Variants in SLC25A32 observed in about 807,000 individuals in gnomAD.
SLC25A32 encodes the protein solute carrier family 25 member 32.
A neutral mutation model predicts 39.0 loss-of-function variants in SLC25A32; 32 were observed. That is an observed-to-expected ratio of 0.82 (90% CI 0.62 to 1.10). The LOEUF is 1.10. Among genes scored for constraint, SLC25A32 ranks in the 50% least tolerant of loss-of-function variants. The pLI, the probability that SLC25A32 is intolerant of heterozygous loss-of-function variation, is 0.00. For missense variants in SLC25A32, 367 were observed against 395.3 expected, an observed-to-expected ratio of 0.93 and a Z score of 0.61; for synonymous variants, 166 against 152.4, an observed-to-expected ratio of 1.09 and a Z score of -0.66.
intron 1 of SLC25A32, among the ~76,000 whole-genome samples, chr8:103,412,163 G>A (rs3098242): frequency 0.46 from 69,581 of 152,012 alleles, 15,999 homozygotes; most frequent in African/African-American, 0.49. Flanking sequence ...CAAGCACTCT[G>A]TAAGTACTAG....
chr8:103,402,236 T>G, intron 4 of SLC25A32, 182 bp from the exon 5 acceptor site: 1 of 462,922 alleles, frequency 2.2e-6, no homozygotes. Flanking sequence ...GGTAGTATTC[T>G]CTTCTACTTT....
chr8:103,410,699 A>C (rs1167859819), intron 1 of SLC25A32, among the ~76,000 whole-genome samples: 1 of 152,062 alleles, frequency 6.6e-6, no homozygotes, highest in Non-Finnish European at 1.5e-5. Context: ...ATGTAGATCT[A>C]AGTACCTATC....
rs1490190467 is a variant in SLC25A32, at chr8:103,399,726, C to A, written c.*685G>T. ...GACCATCCTGGCTAACATGGTGAAA[C>A]CCCATTTCTACTCAAAATATAAAAA... On this transcript the variant is annotated 3_prime_UTR_variant, in exon 7 of 7. Transcript: ENST00000297578. The A allele has an allele frequency of 6.6e-6, 1 of 152,136 alleles. No individual in the cohort carries two copies. The highest frequency in any genetic ancestry group is 2.4e-5 in the African/African-American group (1 of 41,396). The allele number at this position is 152,136 out of a possible 1,614,324, so 9.4% of individuals were successfully genotyped here. A position where few individuals can be genotyped will look rare whatever the true frequency, so the allele number is the denominator to read the frequency against.
intron 1 of SLC25A32, among the ~76,000 whole-genome samples, chr8:103,408,676 T>G (rs2130449660): frequency 6.6e-6 from 1 of 152,308 alleles, no homozygotes; most frequent in Admixed American, 6.5e-5. Context: ...AAAATTGAAC[T>G]AGTTTTCCCC....
chr8:103,404,743 G>A (rs1816291742), intron 3 of SLC25A32, 33 bp downstream of exon 3: 1 of 1,502,132 alleles, frequency 6.7e-7, no homozygotes, highest in Non-Finnish European at 9.2e-7. Context: ...AAGTTTGGAA[G>A]GTGACATTTT....
chr8:103,401,686 T>C (rs1390926103), intron 5 of SLC25A32, 25 bp from the exon 6 acceptor site: 41 of 1,541,032 alleles, frequency 2.7e-5, no homozygotes, highest in Non-Finnish European at 3.4e-5. Flanking sequence ...CAAAACAGTT[T>C]TTTCTTTAGA....
At chr8:103,411,995 C>A (rs1350664050) in intron 1 of SLC25A32, among the ~76,000 whole-genome samples, 1 of 152,234 alleles carries the variant, frequency 6.6e-6, no homozygotes, top group Non-Finnish European at 1.5e-5. Flanking sequence ...AATCCCAGTT[C>A]TAGCAATTAC....
intron 6 of SLC25A32, among the ~76,000 whole-genome samples, chr8:103,400,841 A>G (rs1816202288): frequency 6.6e-6 from 1 of 152,234 alleles, no homozygotes; most frequent in Admixed American, 6.5e-5. Context: ...AGGAGTTTTA[A>G]TTGACCTAAT....
Position 103,404,898 on chromosome 8 carries a change from G to A in SLC25A32, c.306-37C>T. The stretch of plus-strand genomic sequence containing the variant: ...AAATGTGAGCAGTTTAATTTGAATA[G>A]GTGTCATTAAGTCTGTTTTAAAGTG... On this transcript the variant is annotated intron_variant, in intron 2 of 6. Coordinates refer to ENST00000297578, the MANE Select transcript of SLC25A32 (RefSeq NM_030780.5). 2.8e-6 allele frequency: 4 copies of A among 1,424,716 alleles called. 1 individual carries two copies. Among genetic ancestry groups the A allele is most frequent in the Non-Finnish European group, 3.0e-6 (3 of 1,011,150 alleles). The allele number at this position is 1,424,716 out of a possible 1,614,324, so 88.3% of individuals were successfully genotyped here.
intron 2 of SLC25A32, among the ~76,000 whole-genome samples, chr8:103,405,658 T>A (rs1184316568): frequency 1.3e-5 from 2 of 151,868 alleles, no homozygotes; most frequent in Admixed American, 6.6e-5. Flanking sequence ...GAACACATTC[T>A]TTCTTTTTTT....
At chr8:103,411,262 T>A (rs905333050) in intron 1 of SLC25A32, among the ~76,000 whole-genome samples, 2 of 152,208 alleles carry the variant, frequency 1.3e-5, no homozygotes, top group African/African-American at 2.4e-5. Context: ...TTACTCTTTA[T>A]CCTCCTGCCT....
chr8:103,403,903 T>A (rs1236689069), intron 3 of SLC25A32, among the ~76,000 whole-genome samples: 1 of 152,348 alleles, frequency 6.6e-6, no homozygotes, highest in South Asian at 2.1e-4. Context: ...AAAAAATTCA[T>A]CTGGTTAAGT....
chr8:103,403,795 T>C (rs995434674), intron 3 of SLC25A32, among the ~76,000 whole-genome samples: 2 of 152,162 alleles, frequency 1.3e-5, no homozygotes, highest in African/African-American at 4.8e-5. Context: ...TATCACAATC[T>C]TCCTCAAATC....
intron 1 of SLC25A32, among the ~76,000 whole-genome samples, chr8:103,411,746 T>C (rs1269904969): frequency 6.6e-6 from 1 of 152,222 alleles, no homozygotes; most frequent in Non-Finnish European, 1.5e-5. Context: ...CTGCCATCCC[T>C]GTGCTTCTAG....
chr8:103,404,361 A>T (rs146546909), intron 3 of SLC25A32, among the ~76,000 whole-genome samples: 7 of 152,144 alleles, frequency 4.6e-5, no homozygotes, highest in African/African-American at 1.2e-4. Flanking sequence ...TTTGGGAGGC[A>T]GAGGCAGGTG....
chr8:103,405,461 G>A (rs995106357), intron 2 of SLC25A32, among the ~76,000 whole-genome samples: 2 of 152,160 alleles, frequency 1.3e-5, no homozygotes, highest in Admixed American at 1.3e-4. Flanking sequence ...GGAAAAAGAT[G>A]AGCATGGTGA....
Position 103,414,831 on chromosome 8 carries a change from G to C in SLC25A32, c.107C>G (p.Ser36Cys). 1 of 1,613,834 alleles carries C rather than the reference G, an allele frequency of 6.2e-7. No homozygotes were observed. Among genetic ancestry groups the C allele is most frequent in the Non-Finnish European group, 8.5e-7 (1 of 1,180,034 alleles). ...GTCGAGCGGATGCAGCGCAAGGTTG[G>C]ATAAGACGCCGCCGCTCACGCCCGC... The part of the protein sequence containing the change: ...LIAGVSGGVL[S>C]NLALHPLDLV... The change falls in exon 1 of 7, where the codon TCC becomes TGC. Residue 36 changes from serine (S) to cysteine (C), a missense_variant. Physicochemically the swap from Ser to Cys is moderately radical, Grantham distance 112 (BLOSUM62 -1). Coordinates refer to ENST00000297578, the MANE Select transcript of SLC25A32 (RefSeq NM_030780.5).
intron 1 of SLC25A32, among the ~76,000 whole-genome samples, chr8:103,409,957 A>G (rs1171893050): frequency 1.3e-5 from 2 of 152,216 alleles, no homozygotes; most frequent in Non-Finnish European, 2.9e-5. Context: ...GTTTAAAGGC[A>G]GGCAGCAGAA....
Position 103,404,816 on chromosome 8 carries a change from AC to A in SLC25A32, c.350del (p.Arg117LeufsTer2), listed in dbSNP as rs1816293873. ...KSYKTEGRAE[R>X]LEATEYLVSA... is the part of the protein sequence containing the mutation. Reference sequence around the variant, plus strand: ...AGACAAGGTATTCTGTTGCCTCTAAACGTTCAGCTCTTCCTTCTGTTTTATA... The same window carrying A: ...AGACAAGGTATTCTGTTGCCTCTAAAGTTCAGCTCTTCCTTCTGTTTTATA... On this transcript the variant is annotated frameshift_variant, in exon 3 of 7. Transcript: ENST00000297578. LOFTEE classifies it high-confidence loss of function. The A allele has an allele frequency of 6.2e-7, 1 of 1,613,346 alleles. No individual in the cohort carries two copies. Among genetic ancestry groups the A allele is most frequent in the Non-Finnish European group, 8.5e-7 (1 of 1,179,526 alleles).
Sources: gnomAD v4.1 joint callset for allele counts (sites outside exome capture counted in the v4.1 genomes callset) on GRCh38, gnomAD v4.1.1 for gene constraint, MANE v1.5 for transcripts, NCBI Gene and HGNC (gene_info 2026-07-23, HGNC 2026-07-21) for gene names.